KIF24: variants seen among roughly 807,000 people sequenced by gnomAD.
The protein encoded by KIF24 is kinesin family member 24.
KIF24 carries 81 observed loss-of-function variants against 118.9 expected under a neutral mutation model. The observed-to-expected ratio is 0.68, with a 90% CI of 0.57 to 0.82. KIF24 has a LOEUF of 0.82. KIF24 is among the 40% of genes least tolerant of loss of function. The probability of loss-of-function intolerance (pLI) is 0.00; values close to 1 mark genes in which losing one functional copy is unlikely to be tolerated. For synonymous variants in KIF24, 599 were observed against 610.0 expected, an observed-to-expected ratio of 0.98 and a Z score of 0.27; for missense variants, 1,560 against 1,661.6, an observed-to-expected ratio of 0.94 and a Z score of 1.06.
At chr9:34,326,473 C>T (rs1299758582) in intron 1 of KIF24, among the ~76,000 whole-genome samples, 1 of 152,116 alleles carries the variant, frequency 6.6e-6, no homozygotes, top group East Asian at 1.9e-4. Flanking sequence ...ATAATCACTA[C>T]CGAAGAATAA....
chr9:34,261,687 G>A (rs1047045409), intron 9 of KIF24, among the ~76,000 whole-genome samples: 5 of 152,172 alleles, frequency 3.3e-5, no homozygotes, highest in South Asian at 4.2e-4. Flanking sequence ...GTGTGGCTGC[G>A]TAATAGTAGA....
At chr9:34,272,090 C>T (rs1363338117) in intron 6 of KIF24, among the ~76,000 whole-genome samples, 160 bp from the exon 7 acceptor site, 1 of 152,188 alleles carries the variant, frequency 6.6e-6, no homozygotes, top group Non-Finnish European at 1.5e-5. Flanking sequence ...TAAATTATAC[C>T]TAGTTAGTAC....
Position 34,311,209 on chromosome 9 carries a change from A to C in KIF24, c.138T>G (p.His46Gln). 1 of 1,613,450 alleles carries C rather than the reference A, an allele frequency of 6.2e-7. No homozygotes were observed. The highest frequency in any genetic ancestry group is 8.5e-7 in the Non-Finnish European group (1 of 1,179,568). The change falls in exon 2 of 13, where the codon CAT (histidine) becomes CAG (glutamine). Residue 46 changes from histidine (H) to glutamine (Q), a missense_variant. This residue lies in a region of KIF24 where 964 missense variants were observed against 988.0 expected (regional missense o/e 0.98). Transcript: ENST00000402558. The stretch of plus-strand genomic sequence containing the variant: ...AGAGACGTTTGCGGTCGTTCATGTC[A>C]TGGACTCCTAATTTGGAGTAGTCCT... ...TMKDYSKLGV[H>Q]DMNDRKRLFQ... is the part of the protein sequence containing the mutation.
intron 8 of KIF24, among the ~76,000 whole-genome samples, chr9:34,264,333 G>T (rs552506728): frequency 8.6e-5 from 13 of 151,786 alleles, no homozygotes; most frequent in African/African-American, 3.1e-4. Flanking sequence ...AGGAGGCTGA[G>T]AAAGGAGAAA....
rs865964916 is a variant in KIF24, at chr9:34,318,663, C to T, written c.-25-7292G>A. ...GGGCTCGTGTCGCTGGGCGGCAAGG[C>T]GACCACGGCGTCGGAGGCCAAGGCA... On this transcript the variant is annotated intron_variant, in intron 1 of 12. Transcript: ENST00000402558. The surrounding 1 kb of genome is among the most constrained non-coding windows in gnomAD (Gnocchi z 4.9). 7.1e-5 allele frequency: 109 copies of T among 1,538,972 alleles called. No individual in the cohort carries two copies. The highest frequency in any genetic ancestry group is 6.7e-4 in the Middle Eastern group (3 of 4,456).
chr9:34,311,266 C>T lies in KIF24; in HGVS notation c.81G>A (p.Gln27=). The change falls in exon 2 of 13, where the codon CAG becomes CAA. Residue 27 remains glutamine (Q), a synonymous_variant. Transcript: ENST00000402558. ...YYSHFTALGL[Q]KIDELAKITM... is the part of the protein sequence containing the mutation. ...TAATCTTGGCTAATTCATCTATTTT[C>T]TGAAGGCCAAGGGCAGTGAAATGAG... 6.2e-7 allele frequency: 1 copy of T among 1,611,610 alleles called. No individual in the cohort carries two copies. The highest frequency in any genetic ancestry group is 1.3e-5 in the African/African-American group (1 of 74,960).
At chr9:34,306,513 T>C (rs1587960811) in intron 2 of KIF24, 72 bp from the exon 3 acceptor site, 1 of 1,105,128 alleles carries the variant, frequency 9.0e-7, no homozygotes, top group Non-Finnish European at 1.3e-6. Context: ...AAAGTATTGG[T>C]ACCTTTTAGC....
At chr9:34,311,435 A>C in intron 1 of KIF24, 64 bp from the exon 2 acceptor site, 1 of 858,820 alleles carries the variant, frequency 1.2e-6, no homozygotes, top group Non-Finnish European at 1.6e-6. Context: ...TATTTATTTT[A>C]AAAATTGAAA....
chr9:34,269,724 C>CT (rs1835432101), intron 7 of KIF24, among the ~76,000 whole-genome samples: 1 of 151,930 alleles, frequency 6.6e-6, no homozygotes, highest in Non-Finnish European at 1.5e-5. Flanking sequence ...TGGCCAGAAG[C>CT]TTTATTTTTG....
chr9:34,255,286 T>TA, intron 11 of KIF24, 121 bp from the exon 12 acceptor site: 1 of 646,750 alleles, frequency 1.5e-6, no homozygotes, highest in South Asian at 1.9e-5. Flanking sequence ...GTCAAGGTTT[T>TA]CACCAAGGCC....
intron 3 of KIF24, among the ~76,000 whole-genome samples, chr9:34,304,577 C>T (rs1257317577): frequency 1.3e-5 from 2 of 152,176 alleles, no homozygotes; most frequent in East Asian, 3.8e-4. Context: ...AGCATTACAA[C>T]TAATTGGTCA....
intron 3 of KIF24, among the ~76,000 whole-genome samples, chr9:34,305,794 C>A (rs893332311): frequency 2.0e-5 from 3 of 151,988 alleles, no homozygotes; most frequent in African/African-American, 7.3e-5. Flanking sequence ...TCTGGAGAGA[C>A]AGGATCTCGC....
In KIF24 at chr9:34,255,993, G is replaced by A; in HGVS notation, c.3614C>T (p.Thr1205Ile). 3 of 1,614,010 alleles carry A rather than the reference G, an allele frequency of 1.9e-6. No individual in the cohort carries two copies. Among genetic ancestry groups the A allele is most frequent in the Non-Finnish European group, 1.7e-6 (2 of 1,179,878 alleles). ...ACTACTTCCTGTTCGTGGGGTGAGT[G>A]TAGGTCCAGAATGGGGTACCCCCAT... is the stretch of plus-strand genomic sequence containing the variant. The part of the protein sequence containing the change: ...IHMGVPHSGP[T>I]LTPRTGSSDV... Residue 1205 changes from threonine to isoleucine, a missense_variant, in exon 11 of 13, where the codon ACA becomes ATA. By Grantham distance (89) the Thr-to-Ile change is moderately conservative. Coordinates refer to ENST00000402558, the MANE Select transcript of KIF24 (RefSeq NM_194313.4).
intron 3 of KIF24, among the ~76,000 whole-genome samples, chr9:34,300,599 C>T (rs537090126): frequency 5.5e-4 from 84 of 151,876 alleles, no homozygotes; most frequent in Non-Finnish European, 9.0e-4. Flanking sequence ...CAAGAGCTCC[C>T]GAAGGTGATC....
chr9:34,282,187 A>G (rs1415293473), intron 6 of KIF24, among the ~76,000 whole-genome samples: 1 of 152,230 alleles, frequency 6.6e-6, no homozygotes, highest in Non-Finnish European at 1.5e-5. Context: ...ATACAATGTA[A>G]TATTATTCAG....
intron 1 of KIF24, among the ~76,000 whole-genome samples, chr9:34,319,962 T>C (rs971600557): frequency 3.9e-5 from 6 of 152,182 alleles, no homozygotes; most frequent in Non-Finnish European, 8.8e-5. Context: ...TTCATATTTA[T>C]AGCCAAGTAC....
At position 34,298,953 on chromosome 9, in the gene KIF24, AT is replaced by A. The variant is rs1458984315; in HGVS notation, c.814-1840del. Among the ~76,000 whole-genome samples, 3 of 152,110 alleles carry A rather than the reference AT, an allele frequency of 2.0e-5. No individual in the cohort carries two copies. The East Asian group carries it at 5.8e-4, about 29-fold the overall frequency. On this transcript the variant is annotated intron_variant, in intron 3 of 12. Coordinates refer to ENST00000402558, the MANE Select transcript of KIF24 (RefSeq NM_194313.4). ...AAAGACAGAAAAAAGACCCCATTAC[AT>A]TGGGTCTGAAAAGCATTAATTCAGC... is the stretch of plus-strand genomic sequence containing the variant.
intron 3 of KIF24, among the ~76,000 whole-genome samples, chr9:34,298,092 GA>G (rs1293790690): frequency 6.6e-6 from 1 of 152,146 alleles, no homozygotes; most frequent in Non-Finnish European, 1.5e-5. Context: ...AGAGGAATTT[GA>G]AAGGGAGTGA....
chr9:34,279,625 T>C (rs1489747048), intron 6 of KIF24, among the ~76,000 whole-genome samples: 1 of 152,224 alleles, frequency 6.6e-6, no homozygotes, highest in Non-Finnish European at 1.5e-5. Context: ...ATTTGAATAA[T>C]GAAGCTACCA....
Sources: allele counts gnomAD v4.1 joint callset (sites outside exome capture counted in the v4.1 genomes callset), GRCh38; gene constraint gnomAD v4.1.1; regional missense constraint gnomAD v4.1.1; non-coding constraint Gnocchi (gnomAD v3.1); transcripts MANE v1.5; gene names NCBI Gene and HGNC (gene_info 2026-07-23, HGNC 2026-07-21).